The following DOCK3 variants were observed in gnomAD, a reference collection of about 807,000 sequenced individuals.
DOCK3 encodes the protein dedicator of cytokinesis protein 3.
DOCK3 carries 60 observed loss-of-function variants against 265.6 expected under a neutral mutation model. The ratio of observed to expected loss-of-function variants is 0.23; its 90% CI spans 0.18 to 0.28. The LOEUF (loss-of-function observed/expected upper bound fraction) is 0.28. DOCK3 is among the 10% of genes least tolerant of loss of function. The pLI, the probability that DOCK3 is intolerant of heterozygous loss-of-function variation, is 1.00. For missense variants in DOCK3, 1,981 were observed against 2,594.3 expected (o/e 0.76, Z 5.14); for synonymous variants, 881 against 938.0 (o/e 0.94, Z 1.11).
intron 22 of DOCK3, among the ~76,000 whole-genome samples, chr3:51,247,797 G>C (rs915730320): frequency 6.6e-6 from 1 of 152,174 alleles, no homozygotes; most frequent in East Asian, 1.9e-4. Context: ...GAACATATCC[G>C]CAGTATCCTA....
chr3:51,112,324 A>G (rs1431777766), intron 9 of DOCK3, among the ~76,000 whole-genome samples: 1 of 152,228 alleles, frequency 6.6e-6, no homozygotes, highest in Non-Finnish European at 1.5e-5. Context: ...TATAAGTAAA[A>G]AAGCCAGACT....
intron 24 of DOCK3, among the ~76,000 whole-genome samples, chr3:51,273,589 A>G (rs2108908029): frequency 6.6e-6 from 1 of 152,332 alleles, no homozygotes; most frequent in South Asian, 2.1e-4. Flanking sequence ...TGCAGTATCA[A>G]CTTTTTTTAT....
intron 9 of DOCK3, among the ~76,000 whole-genome samples, chr3:51,101,113 CTTTTTT>C (rs59972198): frequency 8.2e-6 from 1 of 122,566 alleles, no homozygotes; most frequent in Non-Finnish European, 1.6e-5. Flanking sequence ...CTTAGTCTTT[CTTTTTT>C]TTTTTTTTTT....
intron 2 of DOCK3, among the ~76,000 whole-genome samples, chr3:50,789,996 C>T (rs933932504): frequency 1.3e-5 from 2 of 152,186 alleles, no homozygotes; most frequent in Non-Finnish European, 2.9e-5. Context: ...GCTTCCCAAA[C>T]TGTTGAGATT....
chr3:50,840,889 T>TC (rs1397355308), intron 2 of DOCK3, among the ~76,000 whole-genome samples: 1 of 152,234 alleles, frequency 6.6e-6, no homozygotes, highest in Non-Finnish European at 1.5e-5. Flanking sequence ...TTCTTTTTTT[T>TC]CATAGCTTTG....
intron 1 of DOCK3, among the ~76,000 whole-genome samples, chr3:50,738,376 T>C (rs2038783727): frequency 6.6e-6 from 1 of 152,104 alleles, no homozygotes; most frequent in Non-Finnish European, 1.5e-5. Flanking sequence ...GCTTGAGGCC[T>C]GGGTTTGTAG....
chr3:51,227,837 T>G (rs767278010), intron 16 of DOCK3, 145 bp from the exon 17 acceptor site: 35 of 802,350 alleles, frequency 4.4e-5, no homozygotes, highest in Non-Finnish European at 6.7e-5. Context: ...TTCAGCACAT[T>G]TCTCATCATT....
intron 27 of DOCK3, among the ~76,000 whole-genome samples, chr3:51,305,859 GACAGGGTCTTGC>G (rs2082658162): frequency 6.3e-5 from 1 of 15,834 alleles, no homozygotes; most frequent in Non-Finnish European, 1.3e-4. Flanking sequence ...TTTTTTTTGA[GACAGGGTCTTGC>G]CCCGTCACAC....
chr3:50,962,777 C>G (rs551875489), intron 5 of DOCK3, among the ~76,000 whole-genome samples: 1 of 152,252 alleles, frequency 6.6e-6, no homozygotes, highest in Non-Finnish European at 1.5e-5. Flanking sequence ...CTACCTAATT[C>G]TTTTCAGTTA....
chr3:50,879,315 T>C (rs1172856179), intron 3 of DOCK3, among the ~76,000 whole-genome samples: 1 of 152,150 alleles, frequency 6.6e-6, no homozygotes, highest in Non-Finnish European at 1.5e-5. Flanking sequence ...ACTGCTCCAA[T>C]TGAAAGACAC....
chr3:51,233,337 TC>T (rs1560254195), intron 19 of DOCK3, among the ~76,000 whole-genome samples: 2 of 45,798 alleles, frequency 4.4e-5, no homozygotes, highest in South Asian at 2.2e-3. Flanking sequence ...TATCTATCTA[TC>T]TATCTATCTA....
At chr3:51,245,273 G>A (rs906027337) in intron 21 of DOCK3, among the ~76,000 whole-genome samples, 4 of 152,036 alleles carry the variant, frequency 2.6e-5, no homozygotes, top group Non-Finnish European at 5.9e-5. Flanking sequence ...GGAGGTGGAG[G>A]TTACAATGAG....
At chr3:51,157,796 C>CTTTTT (rs11404204) in intron 10 of DOCK3, among the ~76,000 whole-genome samples, 2 of 129,664 alleles carry the variant, frequency 1.5e-5, no homozygotes, top group Non-Finnish European at 3.2e-5. Context: ...TTGATTGTAC[C>CTTTTT]TTTTTTTTTT....
At chr3:51,225,876 C>T (rs888509261) in intron 15 of DOCK3, 103 bp downstream of exon 15, 13 of 1,389,338 alleles carry the variant, frequency 9.4e-6, no homozygotes, top group African/African-American at 1.5e-5. Context: ...ATTAAAATCA[C>T]CCCATCAGCC....
chr3:50,718,445 T>C (rs1338291633), intron 1 of DOCK3, among the ~76,000 whole-genome samples: 1 of 152,204 alleles, frequency 6.6e-6, no homozygotes, highest in Admixed American at 6.5e-5. Flanking sequence ...GTGTTAGATA[T>C]TGCAGTGGAG....
intron 27 of DOCK3, among the ~76,000 whole-genome samples, chr3:51,308,914 G>A (rs1233093444): frequency 2.0e-5 from 3 of 151,636 alleles, no homozygotes; most frequent in Non-Finnish European, 4.4e-5. Flanking sequence ...AGACGGGGCG[G>A]CCGGGCAGAG....
chr3:51,322,021 T>A (rs2083762912), intron 32 of DOCK3, among the ~76,000 whole-genome samples: 1 of 151,772 alleles, frequency 6.6e-6, no homozygotes, highest in Admixed American at 6.6e-5. Context: ...CCAAGACATA[T>A]AATCGTCAGA....
chr3:51,000,321 A>G (rs1249450820), intron 5 of DOCK3, among the ~76,000 whole-genome samples: 2 of 152,216 alleles, frequency 1.3e-5, no homozygotes, highest in East Asian at 1.9e-4. Flanking sequence ...GCAGCGTTTC[A>G]GGTATCCAAA....
At chr3:51,153,050 G>A (rs962826489) in intron 10 of DOCK3, among the ~76,000 whole-genome samples, 3 of 152,248 alleles carry the variant, frequency 2.0e-5, no homozygotes, top group Non-Finnish European at 2.9e-5. Flanking sequence ...AGACAGGGAC[G>A]TTTAAGTCTG....
Sources: allele counts gnomAD v4.1 joint callset (sites outside exome capture counted in the v4.1 genomes callset), GRCh38; gene constraint gnomAD v4.1.1; transcripts MANE v1.5; gene names NCBI Gene and HGNC (gene_info 2026-07-23, HGNC 2026-07-21).